Variants in DAPP1 observed in about 807,000 individuals in gnomAD.
The protein encoded by DAPP1 is dual adapter for phosphotyrosine and 3-phosphotyrosine and 3-phosphoinositide.
In DAPP1, 20 loss-of-function variants were observed where a neutral mutation model predicts 41.5. The ratio of observed to expected loss-of-function variants is 0.48; its 90% CI spans 0.34 to 0.70. The LOEUF is 0.70. Among genes scored for constraint, DAPP1 ranks in the 30% least tolerant of loss-of-function variants. The pLI, the probability that DAPP1 is intolerant of heterozygous loss-of-function variation, is 0.01. For missense variants in DAPP1, 233 were observed against 333.4 expected (o/e 0.70, Z 2.35); for synonymous variants, 113 against 116.2 (o/e 0.97, Z 0.18).
At chr4:99,837,133 A>T (rs1032549604) in intron 2 of DAPP1, among the ~76,000 whole-genome samples, 2 of 152,246 alleles carry the variant, frequency 1.3e-5, no homozygotes, top group Non-Finnish European at 2.9e-5. Flanking sequence ...GTGAGCAGCC[A>T]GAGAAAACTC....
At position 99,840,271 on chromosome 4, in the gene DAPP1, C is replaced by T. The variant is rs552764635; in HGVS notation, c.225-18C>T. On this transcript the variant is annotated intron_variant, in intron 2 of 8. Coordinates refer to ENST00000512369, the MANE Select transcript of DAPP1 (RefSeq NM_014395.3). ...TTTATTTGTTAAATAATATTAAATA[C>T]TTCTTTTTCCCTTTTAGGGCCAAAG... 3.5e-6 allele frequency: 5 copies of T among 1,448,632 alleles called. No homozygotes were observed. The highest frequency in any genetic ancestry group is 1.4e-5 in the African/African-American group (1 of 69,960). The allele number at this position is 1,448,632 out of a possible 1,614,324, so 89.7% of individuals were successfully genotyped here. A position where few individuals can be genotyped will look rare whatever the true frequency, so the allele number is the denominator to read the frequency against.
chr4:99,839,923 A>G (rs1170729919), intron 2 of DAPP1, among the ~76,000 whole-genome samples: 1 of 152,212 alleles, frequency 6.6e-6, no homozygotes, highest in African/African-American at 2.4e-5. Flanking sequence ...TTAGCCAGGC[A>G]TCGTGGCAGA....
At chr4:99,846,709 A>C (rs1723676219) in intron 3 of DAPP1, among the ~76,000 whole-genome samples, 1 of 152,236 alleles carries the variant, frequency 6.6e-6, no homozygotes, top group South Asian at 2.1e-4. Context: ...GACTCATATA[A>C]GTGGTAGAAT....
At chr4:99,835,504 G>A (rs1414142567) in intron 1 of DAPP1, 119 bp from the exon 2 acceptor site, 4 of 1,423,484 alleles carry the variant, frequency 2.8e-6, no homozygotes, top group Non-Finnish European at 3.8e-6. Context: ...CTGAGAGCTG[G>A]GTCTCTGGGC....
chr4:99,863,643 G>C, intron 6 of DAPP1, 127 bp from the exon 7 acceptor site: 1 of 676,230 alleles, frequency 1.5e-6, no homozygotes, highest in Non-Finnish European at 2.5e-6. Context: ...TGTCAGTCCT[G>C]TTAGTGAAAG....
downstream of DAPP1, among the ~76,000 whole-genome samples, chr4:99,871,100 G>A (rs544671272): frequency 3.2e-4 from 48 of 152,308 alleles, no homozygotes; most frequent in African/African-American, 9.4e-4. Flanking sequence ...TGGCATGCAA[G>A]AGAGTGGGTT....
At chr4:99,831,490 T>G (rs1290237686) in intron 1 of DAPP1, among the ~76,000 whole-genome samples, 1 of 152,252 alleles carries the variant, frequency 6.6e-6, no homozygotes, top group African/African-American at 2.4e-5. Flanking sequence ...TCTCATCCTT[T>G]TAGCACTCCA....
intron 4 of DAPP1, among the ~76,000 whole-genome samples, chr4:99,854,466 A>G (rs1005864192): frequency 2.6e-5 from 4 of 152,212 alleles, no homozygotes; most frequent in Non-Finnish European, 5.9e-5. Context: ...GTAACTTTCT[A>G]TATCTGCAGT....
rs1346570189 is a variant in DAPP1 at position 99,863,903 on chromosome 4, C to T, written c.686+48C>T. ...CGTTTTTTAATGTCTTCTTGCCAGA[C>T]ACTTATTTTGGCTAAGGAATAGAAA... On this transcript the variant is annotated intron_variant, in intron 7 of 8. Coordinates refer to ENST00000512369, the MANE Select transcript of DAPP1 (RefSeq NM_014395.3). The T allele has an allele frequency of 5.5e-6, 7 of 1,261,456 alleles. No homozygotes were observed. In the South Asian group the frequency reaches 7.9e-5, roughly 14 times the overall value. The allele number at this position is 1,261,456 out of a possible 1,614,324, so 78.1% of individuals were successfully genotyped here.
At chr4:99,851,930 C>G (rs1228394607) in intron 3 of DAPP1, among the ~76,000 whole-genome samples, 1 of 151,880 alleles carries the variant, frequency 6.6e-6, no homozygotes, top group East Asian at 1.9e-4. Context: ...CATTTTCTCA[C>G]TCTTACTCTA....
downstream of DAPP1, among the ~76,000 whole-genome samples, chr4:99,872,286 C>T (rs1724645644): frequency 6.6e-6 from 1 of 152,160 alleles, no homozygotes; most frequent in Non-Finnish European, 1.5e-5. Flanking sequence ...AGGTTTGGAT[C>T]CACACCACCA....
At chr4:99,839,850 T>C (rs1289232903) in intron 2 of DAPP1, among the ~76,000 whole-genome samples, 1 of 152,162 alleles carries the variant, frequency 6.6e-6, no homozygotes, top group Non-Finnish European at 1.5e-5. Context: ...TCACCTGAGG[T>C]CAGGAGTTCA....
intron 3 of DAPP1, among the ~76,000 whole-genome samples, chr4:99,848,525 T>C (rs1723749196): frequency 6.6e-6 from 1 of 152,060 alleles, no homozygotes; most frequent in African/African-American, 2.4e-5. Context: ...CACCGCGCCC[T>C]GCCCAGGAGC....
intron 1 of DAPP1, among the ~76,000 whole-genome samples, chr4:99,826,817 C>G (rs1302968432): frequency 6.6e-6 from 1 of 152,190 alleles, no homozygotes; most frequent in Admixed American, 6.5e-5. Context: ...TTATCATTCT[C>G]CCGCTCCATG....
At chr4:99,826,170 C>T (rs1722930248) in intron 1 of DAPP1, among the ~76,000 whole-genome samples, 1 of 152,154 alleles carries the variant, frequency 6.6e-6, no homozygotes, top group African/African-American at 2.4e-5. Context: ...TAAGTATAGG[C>T]TCAGCAAGAA....
chr4:99,835,886 T>C (rs1723283103), intron 2 of DAPP1, 141 bp downstream of exon 2: 2 of 1,128,158 alleles, frequency 1.8e-6, no homozygotes, highest in East Asian at 2.6e-5. Context: ...CTCTAAATGA[T>C]GAGGGTGTAA....
At chr4:99,855,497 G>T (rs1724013501) in intron 4 of DAPP1, among the ~76,000 whole-genome samples, 1 of 152,198 alleles carries the variant, frequency 6.6e-6, no homozygotes. Flanking sequence ...CCAGCTATCA[G>T]ATGGATTCAC....
intron 1 of DAPP1, 27 bp from the exon 2 acceptor site, chr4:99,835,596 G>A (rs551409960): frequency 1.9e-6 from 3 of 1,609,494 alleles, no homozygotes; most frequent in African/African-American, 2.7e-5. Flanking sequence ...TTTGGCCTGA[G>A]TGAAAGCGCT....
At chr4:99,833,209 T>G (rs1167069706) in intron 1 of DAPP1, among the ~76,000 whole-genome samples, 1 of 152,260 alleles carries the variant, frequency 6.6e-6, no homozygotes, top group Non-Finnish European at 1.5e-5. Context: ...TTCCAATTGT[T>G]CTTTGAAAGC....
Sources: gnomAD v4.1 joint callset for allele counts (sites outside exome capture counted in the v4.1 genomes callset) on GRCh38, gnomAD v4.1.1 for gene constraint, MANE v1.5 for transcripts, NCBI Gene and HGNC (gene_info 2026-07-23, HGNC 2026-07-21) for gene names.